DMBT1: variants seen among roughly 807,000 people sequenced by gnomAD.
The protein encoded by DMBT1 is deleted in malignant brain tumors 1.
Under a neutral mutation model 252.9 loss-of-function variants are expected in DMBT1, and 198 were observed. The ratio of observed to expected loss-of-function variants is 0.78; its 90% CI spans 0.70 to 0.88. The LOEUF (loss-of-function observed/expected upper bound fraction) is 0.88, where lower values mean the gene tolerates loss of function less well. DMBT1 is among the 40% of genes least tolerant of loss of function. The probability of loss-of-function intolerance (pLI) is 0.00; values close to 1 mark genes in which losing one functional copy is unlikely to be tolerated. For missense variants in DMBT1, 2,432 were observed against 2,404.7 expected (o/e 1.01, Z -0.24); for synonymous variants, 990 against 942.7 (o/e 1.05, Z -0.92).
intron 49 of DMBT1, 122 bp downstream of exon 49, chr10:122,631,403 C>T: frequency 1.6e-6 from 2 of 1,253,704 alleles, no homozygotes; most frequent in South Asian, 2.8e-5. Context: ...TCCTCGTGGC[C>T]TGCGCACTCC....
intron 52 of DMBT1, among the ~76,000 whole-genome samples, chr10:122,635,485 G>C (rs2098219195): frequency 6.6e-6 from 1 of 152,162 alleles, no homozygotes; most frequent in African/African-American, 2.4e-5. Flanking sequence ...CAGGCATGGA[G>C]GTTGAGGGAA....
Position 122,629,961 on chromosome 10 carries a change from T to G in DMBT1, c.5790T>G (p.Gly1930=), listed in dbSNP as rs1371980786. 5.6e-6 allele frequency: 9 copies of G among 1,613,922 alleles called. No individual in the cohort carries two copies. Among genetic ancestry groups the G allele is most frequent in the Non-Finnish European group, 7.6e-6 (9 of 1,179,916 alleles). Residue 1930 remains glycine (G), a synonymous_variant, in exon 47 of 56, where the codon GGT becomes GGG. Coordinates refer to ENST00000338354, the MANE Select transcript of DMBT1 (RefSeq NM_001377530.1). ...KCVWEIEVNS[G]YRINLGFSNL... is the part of the protein sequence containing the mutation. ...TTTGGGAAATAGAAGTGAATTCTGG[T>G]TATCGCATAAACCTGGGCTTCAGTA...
In DMBT1 at chr10:122,629,925, T is replaced by C. The variant is rs1259956771; in HGVS notation, c.5754T>C (p.Asn1918=). ...CCTACCCTGCATACTACCCCAACAA[T>C]GCTAAGTGTGTTTGGGAAATAGAAG... ...SPSYPAYYPN[N]AKCVWEIEVN... is the part of the protein sequence containing the mutation. The change falls in exon 47 of 56, where the codon AAT becomes AAC. Residue 1918 remains asparagine, a synonymous_variant. Transcript: ENST00000338354. 1.2e-5 allele frequency: 19 copies of C among 1,613,854 alleles called. No homozygotes were observed. Among genetic ancestry groups the C allele is most frequent in the Non-Finnish European group, 1.4e-5 (17 of 1,179,890 alleles).
At position 122,618,260 on chromosome 10, in the gene DMBT1, C is replaced by G. The variant is rs772389879; in HGVS notation, c.5135C>G (p.Ser1712Cys). Residue 1712 changes from serine (S) to cysteine (C), a missense_variant, in exon 41 of 56, where the codon TCT becomes TGT. Ser to Cys is a moderately radical substitution (Grantham distance 112, BLOSUM62 -1). Coordinates refer to ENST00000338354, the MANE Select transcript of DMBT1 (RefSeq NM_001377530.1). ...LDDVRCSGHE[S>C]YLWSCPHNGW... Reference sequence around the variant, plus strand: ...GATGTGCGCTGCTCAGGACACGAGTCTTACCTGTGGAGCTGCCCCCACAAT... The same window carrying G: ...GATGTGCGCTGCTCAGGACACGAGTGTTACCTGTGGAGCTGCCCCCACAAT... The G allele has an allele frequency of 6.2e-7, 1 of 1,613,666 alleles. No individual in the cohort carries two copies. Among genetic ancestry groups the G allele is most frequent in the Non-Finnish European group, 8.5e-7 (1 of 1,179,770 alleles).
intron 54 of DMBT1, among the ~76,000 whole-genome samples, chr10:122,639,733 G>T (rs930342556): frequency 6.6e-6 from 1 of 152,188 alleles, no homozygotes; most frequent in African/African-American, 2.4e-5. Context: ...TGTTGGCACT[G>T]AAATATAAAG....
At position 122,630,965 on chromosome 10, in the gene DMBT1, C is replaced by G; in HGVS notation, c.6030C>G (p.Ala2010=). The G allele has an allele frequency of 1.1e-5, 17 of 1,594,070 alleles. No individual in the cohort carries two copies. Among genetic ancestry groups the G allele is most frequent in the Non-Finnish European group, 1.5e-5 (17 of 1,165,378 alleles). The change falls in exon 49 of 56, where the codon GCC becomes GCG. Residue 2010 remains alanine (A), a synonymous_variant. Coordinates refer to ENST00000338354, the MANE Select transcript of DMBT1 (RefSeq NM_001377530.1). ...LAWYNSFPSD[A]TLRLVNLNSS... ...CTCAGTTAATGTGTCTTTCAGATGC[C>G]ACCTTGAGGTTGGTCAATTTAAATT...
In DMBT1 at chr10:122,599,431, C is replaced by G. The variant is rs150466658; in HGVS notation, c.3280+334C>G. ...GAGGGTATAATGGATGCAGGACAGA[C>G]AGCAAGGCGGGGTAGGGATCCTCTC... On this transcript the variant is annotated intron_variant, in intron 26 of 55. Transcript: ENST00000338354. Among the ~76,000 whole-genome samples, 6 of 152,326 alleles carry G rather than the reference C, an allele frequency of 3.9e-5. No individual in the cohort carries two copies. The East Asian group carries it at 9.7e-4, about 25-fold the overall frequency.
At position 122,631,087 on chromosome 10, in the gene DMBT1, T is replaced by C. The variant is rs768362744; in HGVS notation, c.6152T>C (p.Val2051Ala). The C allele has an allele frequency of 8.1e-6, 13 of 1,613,806 alleles. No individual in the cohort carries two copies. Among genetic ancestry groups the C allele is most frequent in the Admixed American group, 1.7e-5 (1 of 59,996 alleles). Residue 2051 changes from valine (V) to alanine (A), a missense_variant, in exon 49 of 56, where the codon GTG becomes GCG. Transcript: ENST00000338354. Reference protein sequence around the residue: ...DDSWTIQEAEVVCRQLGCGRA... With the variant: ...DDSWTIQEAEAVCRQLGCGRA... ...TCCTGGACCATTCAGGAAGCTGAGG[T>C]GGTCTGCAGACAGCTAGGGTGTGGA... is the stretch of plus-strand genomic sequence containing the variant.
At chr10:122,574,818 T>C (rs997266853) in intron 6 of DMBT1, among the ~76,000 whole-genome samples, 2 of 152,194 alleles carry the variant, frequency 1.3e-5, no homozygotes, top group African/African-American at 4.8e-5. Context: ...ATTTGGCTGA[T>C]CTGCCTGTCA....
At chr10:122,579,377 A>T (rs1184375838) in intron 9 of DMBT1, among the ~76,000 whole-genome samples, 1 of 152,002 alleles carries the variant, frequency 6.6e-6, no homozygotes, top group African/African-American at 2.4e-5. Context: ...GCTTCCCCAA[A>T]AGTTGAGCAT....
intron 5 of DMBT1, among the ~76,000 whole-genome samples, chr10:122,573,063 A>G (rs186667775): frequency 5.9e-5 from 9 of 152,246 alleles, no homozygotes; most frequent in Non-Finnish European, 1.0e-4. Flanking sequence ...AAAGAAACCT[A>G]CAAGGACACT....
In DMBT1 at chr10:122,630,994, C is replaced by T; in HGVS notation, c.6059C>T (p.Ser2020Phe). 6.2e-7 allele frequency: 1 copy of T among 1,609,608 alleles called. No individual in the cohort carries two copies. The highest frequency in any genetic ancestry group is 2.2e-5 in the East Asian group (1 of 44,728). The stretch of plus-strand genomic sequence containing the variant: ...TTGAGGTTGGTCAATTTAAATTCAT[C>T]CTATGGTCTATGTGCCGGGCGTGTA... Reference protein sequence around the residue: ...ATLRLVNLNSSYGLCAGRVEI... With the variant: ...ATLRLVNLNSFYGLCAGRVEI... Residue 2020 changes from serine to phenylalanine, a missense_variant, in exon 49 of 56, where the codon TCC becomes TTC. Ser to Phe is a radical substitution (Grantham distance 155). Coordinates refer to ENST00000338354, the MANE Select transcript of DMBT1 (RefSeq NM_001377530.1).
chr10:122,585,361 A>G (rs1446393287), intron 15 of DMBT1, 52 bp downstream of exon 15: 5 of 1,557,948 alleles, frequency 3.2e-6, no homozygotes, highest in Non-Finnish European at 4.4e-6. Flanking sequence ...CTCTGGACAA[A>G]TGTTTTTTTC....
At chr10:122,564,702 C>A in intron 1 of DMBT1, among the ~76,000 whole-genome samples, 1 of 151,214 alleles carries the variant, frequency 6.6e-6, no homozygotes, top group African/African-American at 2.4e-5. Context: ...AAATCCCTAT[C>A]GAAGTGTGTA....
At chr10:122,637,535 C>G (rs2098236955) in intron 54 of DMBT1, among the ~76,000 whole-genome samples, 2 of 152,176 alleles carry the variant, frequency 1.3e-5, no homozygotes, top group African/African-American at 4.8e-5. Context: ...CCAGCTGTGT[C>G]CAGCAGAGAG....
intron 42 of DMBT1, among the ~76,000 whole-genome samples, chr10:122,619,899 C>A (rs28485797): frequency 0.039 from 5,975 of 152,268 alleles, 162 homozygotes; most frequent in South Asian, 0.084. Context: ...AACTTGATAC[C>A]CCTTTGGGCG....
intron 52 of DMBT1, 59 bp from the exon 53 acceptor site, chr10:122,635,932 A>G (rs908489130): frequency 6.3e-7 from 1 of 1,582,328 alleles, no homozygotes. Context: ...CTGAGATCTG[A>G]CCCCCTGCGT....
chr10:122,626,902 G>A (rs569415128), intron 46 of DMBT1, among the ~76,000 whole-genome samples: 3 of 152,172 alleles, frequency 2.0e-5, no homozygotes, highest in Non-Finnish European at 2.9e-5. Context: ...ATTTGCTGAA[G>A]TGTCTTCTAA....
chr10:122,566,546 G>A (rs1269865240), intron 2 of DMBT1, among the ~76,000 whole-genome samples: 1 of 152,034 alleles, frequency 6.6e-6, no homozygotes, highest in Non-Finnish European at 1.5e-5. Context: ...TCTTGACCTC[G>A]TGATCCACCC....
Sources: allele counts gnomAD v4.1 joint callset (sites outside exome capture counted in the v4.1 genomes callset), GRCh38; gene constraint gnomAD v4.1.1; transcripts MANE v1.5; gene names NCBI Gene and HGNC (gene_info 2026-07-23, HGNC 2026-07-21).